VPS37A: variants seen among roughly 807,000 people sequenced by gnomAD.
VPS37A encodes the protein vacuolar protein sorting-associated protein 37A.
A neutral mutation model predicts 49.8 loss-of-function variants in VPS37A; 30 were observed. The ratio of observed to expected loss-of-function variants is 0.60; its 90% confidence interval spans 0.45 to 0.82. VPS37A has a LOEUF of 0.82. Among genes scored for constraint, VPS37A ranks in the 40% least tolerant of loss-of-function variants. The pLI, the probability that VPS37A is intolerant of heterozygous loss-of-function variation, is 0.00. For synonymous variants in VPS37A, 195 were observed against 160.6 expected (o/e 1.21, Z -1.62); for missense variants, 593 against 464.4 (o/e 1.28, Z -2.55).
At chr8:17,319,558 A>G in the VPS37A span, among the ~76,000 whole-genome samples, 1 of 152,104 alleles carries the variant, frequency 6.6e-6, no homozygotes, top group Admixed American at 6.6e-5. Context: ...TTTTACCAGA[A>G]ATAATAATAA....
At chr8:17,263,355 G>C (rs1364568575) in intron 1 of VPS37A, among the ~76,000 whole-genome samples, 2 of 152,056 alleles carry the variant, frequency 1.3e-5, no homozygotes, top group African/African-American at 4.8e-5. Context: ...AATTATTCCT[G>C]TTTTAATTAA....
downstream of VPS37A, chr8:17,301,999 C>G (rs1244345220): frequency 3.4e-5 from 32 of 954,790 alleles, no homozygotes; most frequent in Middle Eastern, 3.3e-4. Flanking sequence ...CTTCGGTTAT[C>G]TGAGTCCTGA....
intron 11 of VPS37A, among the ~76,000 whole-genome samples, chr8:17,289,560 T>C (rs529345620): frequency 6.6e-6 from 1 of 152,322 alleles, no homozygotes; most frequent in African/African-American, 2.4e-5. Context: ...TTGGTCTGTA[T>C]GTCTGTTTTG....
At chr8:17,320,984 C>G in the VPS37A span, among the ~76,000 whole-genome samples, 1 of 144,326 alleles carries the variant, frequency 6.9e-6, no homozygotes. Flanking sequence ...CCATAGATAA[C>G]ATTCTCTTGC....
At chr8:17,265,759 C>T in intron 1 of VPS37A, 148 bp from the exon 2 acceptor site, 3 of 1,531,488 alleles carry the variant, frequency 2.0e-6, no homozygotes, top group East Asian at 2.5e-5. Flanking sequence ...GATCATTTTC[C>T]TTCCCCTCAA....
chr8:17,321,730 A>C, the VPS37A span, among the ~76,000 whole-genome samples: 2 of 152,356 alleles, frequency 1.3e-5, no homozygotes, highest in African/African-American at 4.8e-5. Flanking sequence ...ATTTCAGCTG[A>C]CATCAGAGAC....
At chr8:17,321,451 G>C in the VPS37A span, among the ~76,000 whole-genome samples, 3 of 152,190 alleles carry the variant, frequency 2.0e-5, no homozygotes. Flanking sequence ...AACCCCACCA[G>C]TTTCTCAAGC....
downstream of VPS37A, among the ~76,000 whole-genome samples, chr8:17,300,598 C>A (rs1329191968): frequency 6.6e-6 from 1 of 152,176 alleles, no homozygotes; most frequent in Non-Finnish European, 1.5e-5. Context: ...TATCATCTAA[C>A]TTTTATACTG....
intron 4 of VPS37A, among the ~76,000 whole-genome samples, chr8:17,271,819 C>T (rs953055602): frequency 6.6e-6 from 1 of 152,170 alleles, no homozygotes; most frequent in Non-Finnish European, 1.5e-5. Context: ...GAGGTGTTAA[C>T]AAAGGATCTT....
At chr8:17,310,288 A>T in the VPS37A span, among the ~76,000 whole-genome samples, 34 of 152,240 alleles carry the variant, frequency 2.2e-4, no homozygotes, top group Non-Finnish European at 4.6e-4. Context: ...GGTGTGAGCT[A>T]CCACACCCAG....
rs1012952175 is a variant in VPS37A, at chr8:17,284,478, T to C, written c.975T>C (p.Cys325=). 5 of 1,579,510 alleles carry C rather than the reference T, an allele frequency of 3.2e-6. No individual in the cohort carries two copies. Among genetic ancestry groups the C allele is most frequent in the Non-Finnish European group, 4.3e-6 (5 of 1,170,146 alleles). ...TGCCTGATTTTCTTTTTCAGAGCTGTAGTGCAAGTGCCCTTCAGGCAAGAT... is the reference window on the plus strand; with the variant it reads ...TGCCTGATTTTCTTTTTCAGAGCTGCAGTGCAAGTGCCCTTCAGGCAAGAT... ...MQRQHELSES[C]SASALQARLK... is the part of the protein sequence containing the mutation. Residue 325 remains cysteine, a synonymous_variant, in exon 10 of 12, where the codon TGT becomes TGC. Transcript: ENST00000324849.
At chr8:17,311,562 C>T in the VPS37A span, 9 of 1,613,974 alleles carry the variant, frequency 5.6e-6, no homozygotes, top group African/African-American at 1.3e-5. Context: ...GGCTTGCCAC[C>T]GAGCACACCT....
At chr8:17,298,565 A>G (rs1816893098), downstream of VPS37A, 1 of 152,530 alleles carries the variant, frequency 6.6e-6, no homozygotes, top group Non-Finnish European at 1.5e-5. Flanking sequence ...CAGATATTCA[A>G]AATATTGATG....
chr8:17,313,304 G>T, the VPS37A span: 1 of 1,610,692 alleles, frequency 6.2e-7, no homozygotes, highest in Admixed American at 1.7e-5. Context: ...TTGCAATGAA[G>T]ATTCCTGCAT....
chr8:17,322,527 A>G, the VPS37A span, among the ~76,000 whole-genome samples: 3 of 152,208 alleles, frequency 2.0e-5, no homozygotes, highest in African/African-American at 7.2e-5. Context: ...TGCAACAAAT[A>G]AAAAACATGT....
chr8:17,276,359 A>G lies in VPS37A; in HGVS notation c.643-38A>G, dbSNP rs369998509. On this transcript the variant is annotated intron_variant, in intron 5 of 11. Transcript: ENST00000324849. ...TAGTAATTGAGAGCAGTCAAAAATA[A>G]TGGCTGAAATTTAATATCATTTAAA... The G allele has an allele frequency of 6.4e-6, 10 of 1,558,408 alleles. No individual in the cohort carries two copies. The African/African-American group carries it at 1.1e-4, about 17-fold the overall frequency.
the VPS37A span, among the ~76,000 whole-genome samples, chr8:17,313,561 G>T: frequency 1.3e-5 from 2 of 152,162 alleles, no homozygotes; most frequent in African/African-American, 2.4e-5. Flanking sequence ...TACTAAACTT[G>T]ATTCTATGGA....
chr8:17,253,664 T>A (rs746661596), intron 1 of VPS37A, among the ~76,000 whole-genome samples: 1 of 152,240 alleles, frequency 6.6e-6, no homozygotes, highest in Non-Finnish European at 1.5e-5. Context: ...AACTCAGATA[T>A]TATTTTTTCC....
intron 6 of VPS37A, among the ~76,000 whole-genome samples, chr8:17,278,424 G>A (rs1186964171): frequency 6.6e-6 from 1 of 152,000 alleles, no homozygotes; most frequent in African/African-American, 2.4e-5. Flanking sequence ...CTTCATACAG[G>A]ACCAAGAAAA....
Sources: gnomAD v4.1 joint callset for allele counts (sites outside exome capture counted in the v4.1 genomes callset) on GRCh38, gnomAD v4.1.1 for gene constraint, MANE v1.5 for transcripts, NCBI Gene and HGNC (gene_info 2026-07-23, HGNC 2026-07-21) for gene names.